Variants in PLA2G6 observed in about 807,000 individuals in gnomAD.
The protein encoded by PLA2G6 is phospholipase A2 group VI.
PLA2G6 carries 62 observed loss-of-function variants against 83.8 expected under a neutral mutation model. The ratio of observed to expected loss-of-function variants is 0.74; its 90% CI spans 0.60 to 0.91. The LOEUF is 0.91. PLA2G6 is among the 40% of genes least tolerant of loss of function. The pLI, the probability that PLA2G6 is intolerant of heterozygous loss-of-function variation, is 0.00. For synonymous variants in PLA2G6, 417 were observed against 449.8 expected, an observed-to-expected ratio of 0.93 and a Z score of 0.92; for missense variants, 944 against 1,102.0, an observed-to-expected ratio of 0.86 and a Z score of 2.03.
intron 7 of PLA2G6, chr22:38,131,694 C>G (rs2088221648): frequency 6.4e-6 from 1 of 155,502 alleles, no homozygotes; most frequent in African/African-American, 2.4e-5. Context: ...CAGGATGTCT[C>G]TGAATGTGTC....
intron 14 of PLA2G6, among the ~76,000 whole-genome samples, chr22:38,114,051 T>G (rs1214554795): frequency 6.6e-6 from 1 of 152,198 alleles, no homozygotes; most frequent in Non-Finnish European, 1.5e-5. Context: ...CCAGCCAGTC[T>G]GTGGAGAGGG....
At chr22:38,142,799 T>C in intron 4 of PLA2G6, 1 of 428,734 alleles carries the variant, frequency 2.3e-6, no homozygotes, top group Admixed American at 3.5e-5. Flanking sequence ...GGCTCACAGT[T>C]TGTGCTCAGG....
intron 1 of PLA2G6, among the ~76,000 whole-genome samples, chr22:38,171,453 C>T (rs2090436647): frequency 6.6e-6 from 1 of 152,126 alleles, no homozygotes; most frequent in South Asian, 2.1e-4. Context: ...CCTCTACCTC[C>T]TTCCACCTCA....
intron 2 of PLA2G6, chr22:38,148,218 T>G (rs958138353): frequency 2.6e-6 from 1 of 377,480 alleles, no homozygotes; most frequent in African/African-American, 2.1e-5. Flanking sequence ...GGACACAATG[T>G]GAGAATCTGA....
At chr22:38,163,007 G>A (rs2090078726) in intron 2 of PLA2G6, among the ~76,000 whole-genome samples, 1 of 152,126 alleles carries the variant, frequency 6.6e-6, no homozygotes, top group African/African-American at 2.4e-5. Flanking sequence ...CCTCTGCTGT[G>A]TCTCTGCTGG....
intron 2 of PLA2G6, chr22:38,146,092 G>A (rs1436705626): frequency 3.8e-6 from 1 of 260,296 alleles, no homozygotes; most frequent in Non-Finnish European, 7.6e-6. Context: ...CTGGAGTGCA[G>A]TGTTGTAATC....
intron 11 of PLA2G6, among the ~76,000 whole-genome samples, chr22:38,122,074 T>C (rs1158089720): frequency 1.3e-5 from 2 of 152,112 alleles, no homozygotes; most frequent in African/African-American, 4.8e-5. Context: ...CCTCCGCCCA[T>C]GGGACTCTGT....
At chr22:38,124,401 G>A (rs2087710644) in intron 10 of PLA2G6, among the ~76,000 whole-genome samples, 1 of 152,172 alleles carries the variant, frequency 6.6e-6, no homozygotes, top group Non-Finnish European at 1.5e-5. Flanking sequence ...GCCGCCTCCT[G>A]AGTCACATGC....
At chr22:38,133,869 C>CCATCATCAT in intron 6 of PLA2G6, 1 of 152,904 alleles carries the variant, frequency 6.5e-6, no homozygotes, top group Non-Finnish European at 1.5e-5. Flanking sequence ...CCATCATCAT[C>CCATCATCAT]CATCATCATC....
Position 38,143,103 on chromosome 22 carries a change from A to G in PLA2G6, c.609+2T>C. 2 of 1,614,018 alleles carry G rather than the reference A, an allele frequency of 1.2e-6. No homozygotes were observed. Among genetic ancestry groups the G allele is most frequent in the Non-Finnish European group, 1.7e-6 (2 of 1,179,914 alleles). ...AGTCACCCTGCCCCTCCCCCTGCTC[A>G]CCTGCAGCACCTGAGAATTGTCACC... On this transcript the variant is annotated splice_donor_variant, in intron 4 of 16. Transcript: ENST00000332509. LOFTEE classifies it high-confidence loss of function.
At chr22:38,115,437 G>A (rs1768747872) in intron 14 of PLA2G6, 90 bp downstream of exon 14, 4 of 1,232,482 alleles carry the variant, frequency 3.2e-6, no homozygotes, top group Non-Finnish European at 4.7e-6. Context: ...GCCACCTGCT[G>A]TCCTGGGGGT....
chr22:38,169,484 G>T lies in PLA2G6; in HGVS notation c.-45-13C>A, dbSNP rs979358081. 5 of 1,476,582 alleles carry T rather than the reference G, an allele frequency of 3.4e-6. No individual in the cohort carries two copies. In the Admixed American group the frequency reaches 5.4e-5, roughly 16 times the overall value. The allele number at this position is 1,476,582 out of a possible 1,614,324, so 91.5% of individuals were successfully genotyped here. A position where few individuals can be genotyped will look rare whatever the true frequency, so the allele number is the denominator to read the frequency against. On this transcript the variant is annotated splice_polypyrimidine_tract_variant and intron_variant, in intron 1 of 16. Coordinates refer to ENST00000332509, the MANE Select transcript of PLA2G6 (RefSeq NM_003560.4). The stretch of plus-strand genomic sequence containing the variant: ...CTTCCCCCTCTGTCTGGAAGAAAAC[G>T]AGGTCTCTGGTCAGCCAGGCACAGT...
rs1299990014 is a variant in PLA2G6, at chr22:38,128,385, GC to G, written c.1231del (p.Ala411ProfsTer36). ...GTGGATGGGTGGGAAGCAGTATTCG[GC>G]CCCCACGGTTCTCAGCAGAGTCAAG... The part of the protein sequence containing the change: ...AILTLLRTVG[A>X]EYCFPPIHGV... On this transcript the variant is annotated frameshift_variant, in exon 9 of 17. Coordinates refer to ENST00000332509, the MANE Select transcript of PLA2G6 (RefSeq NM_003560.4). LOFTEE classifies it high-confidence loss of function. The surrounding 1 kb of genome is among the most constrained non-coding windows in gnomAD (Gnocchi z 4.4). 1 of 1,614,054 alleles carries G rather than the reference GC, an allele frequency of 6.2e-7. No homozygotes were observed. Among genetic ancestry groups the G allele is most frequent in the South Asian group, 1.1e-5 (1 of 91,080 alleles).
intron 12 of PLA2G6, among the ~76,000 whole-genome samples, chr22:38,117,728 T>C (rs12169611): frequency 0.33 from 50,109 of 151,908 alleles, 8,720 homozygotes; most frequent in South Asian, 0.43. Context: ...CGCTACAACA[T>C]GGATGCCAAG....
rs1279355905 is a variant in PLA2G6 at position 38,129,546 on chromosome 22, A to G, written c.1094T>C (p.Met365Thr). 5 of 1,613,468 alleles carry G rather than the reference A, an allele frequency of 3.1e-6. No homozygotes were observed. In the Admixed American group the frequency reaches 8.3e-5, roughly 27 times the overall value. ...TCCGAACACGATGAGGGCCTTGATC[A>G]TCTCCACGTTGTCTTTCTGTTGGAG... ...HLAMSKDNVE[M>T]IKALIVFGAE... The change falls in exon 8 of 17, where the codon ATG becomes ACG. Residue 365 changes from methionine (M) to threonine (T), a missense_variant. Coordinates refer to ENST00000332509, the MANE Select transcript of PLA2G6 (RefSeq NM_003560.4).
intron 12 of PLA2G6, 94 bp downstream of exon 12, chr22:38,120,665 C>T (rs574517612): frequency 2.1e-4 from 316 of 1,470,370 alleles, no homozygotes; most frequent in Non-Finnish European, 1.0e-4. Context: ...GGGCGCTCTT[C>T]CCCCTCCCTC....
intron 12 of PLA2G6, 30 bp from the exon 13 acceptor site, chr22:38,116,241 G>A (rs753414506): frequency 6.2e-6 from 10 of 1,612,966 alleles, no homozygotes; most frequent in Middle Eastern, 1.6e-4. Context: ...GAGGACGGCT[G>A]AGCCACCCGC....
intron 9 of PLA2G6, among the ~76,000 whole-genome samples, chr22:38,127,626 C>T (rs890343734): frequency 6.6e-5 from 10 of 152,212 alleles, no homozygotes; most frequent in Non-Finnish European, 1.3e-4. Flanking sequence ...AAGTCTGGCT[C>T]ACCAAGGACT....
chr22:38,140,250 G>A lies in PLA2G6; in HGVS notation c.610-81C>T, dbSNP rs1048301854. 36 of 1,350,078 alleles carry A rather than the reference G, an allele frequency of 2.7e-5. 1 individual carries two copies. In the African/African-American group the frequency reaches 3.9e-4, roughly 14 times the overall value. The allele number at this position is 1,350,078 out of a possible 1,614,324, so 83.6% of individuals were successfully genotyped here. A position where few individuals can be genotyped will look rare whatever the true frequency, so the allele number is the denominator to read the frequency against. On this transcript the variant is annotated intron_variant, in intron 4 of 16. Transcript: ENST00000332509. The stretch of plus-strand genomic sequence containing the variant: ...AGGCCGGGCGCAGTGGCTCATGCCT[G>A]TAATCCTAGCACTTTGGGAGGCCAA...
Sources: gnomAD v4.1 joint callset for allele counts (sites outside exome capture counted in the v4.1 genomes callset) on GRCh38, gnomAD v4.1.1 for gene constraint, Gnocchi (gnomAD v3.1) non-coding constraint, MANE v1.5 for transcripts, NCBI Gene and HGNC (gene_info 2026-07-23, HGNC 2026-07-21) for gene names.